The following BMPR1B variants were observed in gnomAD, a reference collection of about 807,000 sequenced individuals.
BMPR1B encodes bone morphogenetic protein receptor type-1B.
In BMPR1B, 12 loss-of-function variants were observed where a neutral mutation model predicts 59.1. The ratio of observed to expected loss-of-function variants is 0.20; its 90% CI spans 0.13 to 0.33. BMPR1B has a LOEUF of 0.33. Among genes scored for constraint, BMPR1B ranks in the 10% least tolerant of loss-of-function variants. The probability of loss-of-function intolerance (pLI) is 1.00; values close to 1 mark genes in which losing one functional copy is unlikely to be tolerated. For synonymous variants in BMPR1B, 237 were observed against 207.3 expected (o/e 1.14, Z -1.23); for missense variants, 550 against 610.9 (o/e 0.90, Z 1.05).
intron 2 of BMPR1B, among the ~76,000 whole-genome samples, chr4:94,969,969 G>T (rs1004174656): frequency 5.5e-4 from 84 of 152,160 alleles, no homozygotes; most frequent in African/African-American, 1.7e-3. Context: ...ATACTTTAAA[G>T]AATTTTTAAA....
At chr4:95,146,816 G>A (rs574499427) in intron 10 of BMPR1B, among the ~76,000 whole-genome samples, 14 of 152,272 alleles carry the variant, frequency 9.2e-5, no homozygotes, top group East Asian at 3.9e-4. Flanking sequence ...GGAGGAGAGC[G>A]TGCTTTATAA....
intron 2 of BMPR1B, among the ~76,000 whole-genome samples, chr4:94,917,585 G>T (rs985477464): frequency 6.6e-6 from 1 of 152,192 alleles, no homozygotes; most frequent in Admixed American, 6.5e-5. Flanking sequence ...CTTTAGAATG[G>T]TAGTGTTTAC....
intron 1 of BMPR1B, among the ~76,000 whole-genome samples, chr4:94,835,488 A>G (rs1724769399): frequency 6.6e-6 from 1 of 152,150 alleles, no homozygotes; most frequent in South Asian, 2.1e-4. Flanking sequence ...AAATTGAATG[A>G]CCCTGTAATA....
rs2149326021 is a variant in BMPR1B, at chr4:95,148,876, G to A, written c.1205G>A (p.Ser402Asn). ...FQSYIMADMYSFGLILWEVAR... is the reference protein window; with the variant it reads ...FQSYIMADMYNFGLILWEVAR... Reference sequence around the variant, plus strand: ...TCTTACATCATGGCTGACATGTATAGTTTTGGCCTCATCCTTTGGGAGGTT... The same window carrying A: ...TCTTACATCATGGCTGACATGTATAATTTTGGCCTCATCCTTTGGGAGGTT... Residue 402 changes from serine (S) to asparagine (N), a missense_variant, in exon 11 of 13, where the codon AGT becomes AAT. By Grantham distance (46) the Ser-to-Asn change is conservative. This residue lies in a region of BMPR1B where 123 missense variants were observed against 164.6 expected (regional missense o/e 0.75). Coordinates refer to ENST00000515059, the MANE Select transcript of BMPR1B (RefSeq NM_001203.3). The A allele has an allele frequency of 6.2e-7, 1 of 1,614,062 alleles. No individual in the cohort carries two copies. The highest frequency in any genetic ancestry group is 1.1e-5 in the South Asian group (1 of 91,084).
chr4:94,957,637 A>G (rs1164060723), intron 2 of BMPR1B, among the ~76,000 whole-genome samples: 1 of 152,072 alleles, frequency 6.6e-6, no homozygotes, highest in East Asian at 1.9e-4. Context: ...GGAATGCATC[A>G]GATGGTCTTG....
At chr4:94,958,157 C>T (rs1217307232) in intron 2 of BMPR1B, among the ~76,000 whole-genome samples, 1 of 152,106 alleles carries the variant, frequency 6.6e-6, no homozygotes, top group Admixed American at 6.5e-5. Flanking sequence ...TAAAATAAAG[C>T]AGACTTAAGC....
At chr4:94,859,886 A>G (rs1053957983) in intron 1 of BMPR1B, among the ~76,000 whole-genome samples, 1 of 150,452 alleles carries the variant, frequency 6.6e-6, no homozygotes. Flanking sequence ...AAATATTTAC[A>G]TTTTATCCAG....
intron 1 of BMPR1B, among the ~76,000 whole-genome samples, chr4:94,868,636 T>A (rs909061323): frequency 1.3e-5 from 2 of 152,158 alleles, no homozygotes; most frequent in African/African-American, 2.4e-5. Context: ...GACAGTTGGA[T>A]CTGAGGGAAG....
At chr4:94,932,404 AG>A (rs1290438561) in intron 2 of BMPR1B, among the ~76,000 whole-genome samples, 1 of 152,194 alleles carries the variant, frequency 6.6e-6, no homozygotes, top group Non-Finnish European at 1.5e-5. Context: ...CACTATTCTT[AG>A]TTTAGGGAGT....
chr4:95,144,925 C>T (rs930865158), intron 10 of BMPR1B, among the ~76,000 whole-genome samples: 12 of 152,132 alleles, frequency 7.9e-5, no homozygotes, highest in Non-Finnish European at 1.6e-4. Context: ...TTCTTCCCGT[C>T]CTTATGCCTA....
chr4:95,083,086 G>C (rs545810532), intron 3 of BMPR1B, among the ~76,000 whole-genome samples: 7 of 128,188 alleles, frequency 5.5e-5, no homozygotes, highest in Non-Finnish European at 1.0e-4. Context: ...TGAAGTACAA[G>C]AGAGGTTAGA....
At chr4:94,860,735 C>T (rs1725945165) in intron 1 of BMPR1B, among the ~76,000 whole-genome samples, 1 of 152,152 alleles carries the variant, frequency 6.6e-6, no homozygotes, top group Non-Finnish European at 1.5e-5. Flanking sequence ...TGTTTTGGAG[C>T]TTGGCAGAGC....
At chr4:95,036,391 C>T (rs1265342166) in intron 3 of BMPR1B, among the ~76,000 whole-genome samples, 1 of 152,120 alleles carries the variant, frequency 6.6e-6, no homozygotes, top group South Asian at 2.1e-4. Context: ...TGGTAACAAA[C>T]ATCCTATACC....
rs192870188 is a variant in BMPR1B at position 94,946,509 on chromosome 4, G to A, written c.-112-49531G>A. 1.8e-3 allele frequency among the ~76,000 whole-genome samples: 273 copies of A among 152,188 alleles called. 1 individual carries two copies. The highest frequency in any genetic ancestry group is 6.3e-3 in the African/African-American group (262 of 41,528). On this transcript the variant is annotated intron_variant, in intron 2 of 12. Coordinates refer to ENST00000515059, the MANE Select transcript of BMPR1B (RefSeq NM_001203.3). Reference sequence around the variant, plus strand: ...AAGGTCTTATAATACAGCTTCTTACGGAAGGCACAGGATCAGATTTGAAAT... The same window carrying A: ...AAGGTCTTATAATACAGCTTCTTACAGAAGGCACAGGATCAGATTTGAAAT...
Position 94,883,622 on chromosome 4 carries a change from T to A in BMPR1B, c.-113+7722T>A, listed in dbSNP as rs76224122. On this transcript the variant is annotated intron_variant, in intron 2 of 12. Transcript: ENST00000515059. ...TTCAATATATATATTAAGGAATATA[T>A]TATATATGTATTAAGGAATATATTC... Among the ~76,000 whole-genome samples the A allele has an allele frequency of 6.7e-3, 1,017 of 151,654 alleles. 39 individuals carry two copies. The highest frequency in any genetic ancestry group is 0.055 in the Admixed American group (830 of 15,206).
chr4:94,825,125 G>A (rs999440373), intron 1 of BMPR1B, among the ~76,000 whole-genome samples: 1 of 152,162 alleles, frequency 6.6e-6, no homozygotes, highest in Non-Finnish European at 1.5e-5. Flanking sequence ...TGTTCTTTTT[G>A]TGGATGGGAG....
rs959514992 is a variant in BMPR1B, at chr4:94,955,821, G to T, written c.-112-40219G>T. 3.3e-5 allele frequency among the ~76,000 whole-genome samples: 5 copies of T among 151,904 alleles called. No homozygotes were observed. In the South Asian group the frequency reaches 8.3e-4, roughly 25 times the overall value. On this transcript the variant is annotated intron_variant, in intron 2 of 12. Coordinates refer to ENST00000515059, the MANE Select transcript of BMPR1B (RefSeq NM_001203.3). ...ATTTTGTATTTTTAGTAGAGACAGG[G>T]TTTCACCATATTGGTCAGGCTGGTC...
intron 3 of BMPR1B, among the ~76,000 whole-genome samples, chr4:95,015,969 G>A (rs564118505): frequency 7.2e-4 from 109 of 152,320 alleles, no homozygotes; most frequent in African/African-American, 2.5e-3. Context: ...GGGATTACAG[G>A]CGTGAGCCAC....
At chr4:95,049,394 A>C (rs928039479) in intron 3 of BMPR1B, among the ~76,000 whole-genome samples, 1 of 133,434 alleles carries the variant, frequency 7.5e-6, no homozygotes, top group African/African-American at 2.8e-5. Context: ...GATTACAGGT[A>C]CGAGCCAATG....
Sources: allele counts gnomAD v4.1 joint callset (sites outside exome capture counted in the v4.1 genomes callset), GRCh38; gene constraint gnomAD v4.1.1; regional missense constraint gnomAD v4.1.1; transcripts MANE v1.5; gene names NCBI Gene and HGNC (gene_info 2026-07-23, HGNC 2026-07-21).